The following RBM20 variants were observed in gnomAD, a reference collection of about 807,000 sequenced individuals.
RBM20 encodes RNA binding motif protein 20, also known as RNA-binding protein 20.
In RBM20, 51 loss-of-function variants were observed where a neutral mutation model predicts 110.1. The observed-to-expected ratio is 0.46, with a 90% CI of 0.37 to 0.59. RBM20 has a LOEUF of 0.59. Among genes scored for constraint, RBM20 ranks in the 20% least tolerant of loss-of-function variants. The probability of loss-of-function intolerance (pLI) is 0.00; values close to 1 mark genes in which losing one functional copy is unlikely to be tolerated. For synonymous variants in RBM20, 589 were observed against 618.2 expected (o/e 0.95, Z 0.70); for missense variants, 1,512 against 1,574.9 (o/e 0.96, Z 0.68).
intron 1 of RBM20, among the ~76,000 whole-genome samples, chr10:110,690,791 T>C (rs1306305575): frequency 6.6e-6 from 1 of 152,234 alleles, no homozygotes; most frequent in East Asian, 1.9e-4. Context: ...ATTTTAGTTA[T>C]CCATTCATCT....
rs541027608 is a variant in RBM20, at chr10:110,760,425, C to CTTTTTTTTTTTTTTTT, written c.192-20363_192-20348dup. The stretch of plus-strand genomic sequence containing the variant: ...TATTAGCCCAGCTGAATTCCATCAT[C>CTTTTTTTTTTTTTTTT]TTTTTTTTTTTTTTTTTTTTTTTTT... On this transcript the variant is annotated intron_variant, in intron 1 of 13. Coordinates refer to ENST00000369519, the MANE Select transcript of RBM20 (RefSeq NM_001134363.3). Among the ~76,000 whole-genome samples, 6 of 57,818 alleles carry CTTTTTTTTTTTTTTTT rather than the reference C, an allele frequency of 1.0e-4. 1 individual carries two copies. Among genetic ancestry groups the CTTTTTTTTTTTTTTTT allele is most frequent in the Non-Finnish European group, 1.5e-4 (5 of 32,544 alleles). 37.9% of individuals were successfully genotyped at this position (57,818 alleles called of 152,430 possible).
chr10:110,750,900 C>T (rs1470634095), intron 1 of RBM20, among the ~76,000 whole-genome samples: 1 of 152,128 alleles, frequency 6.6e-6, no homozygotes, highest in African/African-American at 2.4e-5. Context: ...GCAAGGTGGT[C>T]ATTTGTGGGC....
intron 1 of RBM20, among the ~76,000 whole-genome samples, chr10:110,683,065 C>G (rs1008721317): frequency 2.7e-5 from 4 of 148,936 alleles, no homozygotes; most frequent in Non-Finnish European, 5.9e-5. Context: ...TGTCATTGAT[C>G]ACAATTTTTG....
At chr10:110,682,772 G>A (rs1443924549) in intron 1 of RBM20, among the ~76,000 whole-genome samples, 1 of 152,120 alleles carries the variant, frequency 6.6e-6, no homozygotes, top group Admixed American at 6.5e-5. Flanking sequence ...ATATTTCAGG[G>A]GAGCTACTGT....
chr10:110,698,980 C>T (rs1174342578), intron 1 of RBM20, among the ~76,000 whole-genome samples: 2 of 152,148 alleles, frequency 1.3e-5, no homozygotes, highest in Non-Finnish European at 2.9e-5. Flanking sequence ...ACTTGGTGTG[C>T]AAGCTTCCAA....
intron 1 of RBM20, among the ~76,000 whole-genome samples, chr10:110,746,171 G>A (rs188752490): frequency 2.0e-5 from 3 of 152,222 alleles, no homozygotes; most frequent in East Asian, 1.9e-4. Context: ...AGGCTGGTGC[G>A]GGCTTGTTCA....
intron 1 of RBM20, among the ~76,000 whole-genome samples, chr10:110,765,766 GA>G (rs1844073393): frequency 6.6e-6 from 1 of 152,188 alleles, no homozygotes; most frequent in Non-Finnish European, 1.5e-5. Flanking sequence ...ATATCACGGA[GA>G]TTTTTTTTTT....
intron 1 of RBM20, among the ~76,000 whole-genome samples, chr10:110,738,459 C>T (rs1426292167): frequency 6.6e-6 from 1 of 152,124 alleles, no homozygotes; most frequent in Non-Finnish European, 1.5e-5. Flanking sequence ...ATGTTCCTTG[C>T]CCTTTCTCCC....
chr10:110,767,365 A>T (rs1844113823), intron 1 of RBM20, among the ~76,000 whole-genome samples: 1 of 133,036 alleles, frequency 7.5e-6, no homozygotes, highest in South Asian at 2.7e-4. Context: ...TCCCTCCCGG[A>T]CAGGGCGGCT....
intron 1 of RBM20, among the ~76,000 whole-genome samples, chr10:110,730,425 TCC>T (rs1271197032): frequency 6.6e-6 from 1 of 152,058 alleles, no homozygotes; most frequent in Non-Finnish European, 1.5e-5. Flanking sequence ...AGAATGCCCC[TCC>T]CCCTTTCACA....
intron 1 of RBM20, among the ~76,000 whole-genome samples, chr10:110,720,850 C>T (rs1229606619): frequency 1.3e-5 from 2 of 152,252 alleles, no homozygotes; most frequent in East Asian, 3.8e-4. Context: ...AGACCCTTCC[C>T]ACATTATCAG....
At position 110,698,690 on chromosome 10, in the gene RBM20, T is replaced by C. The variant is rs114581231; in HGVS notation, c.191+54045T>C. On this transcript the variant is annotated intron_variant, in intron 1 of 13. Coordinates refer to ENST00000369519, the MANE Select transcript of RBM20 (RefSeq NM_001134363.3). ...TCCTTCAGCTTTATGCCATGCTCCA[T>C]AGACAGCCTAGGGTACCCCTCTCTG... 3.4e-3 allele frequency among the ~76,000 whole-genome samples: 520 copies of C among 152,318 alleles called. 1 individual carries two copies. Among genetic ancestry groups the C allele is most frequent in the African/African-American group, 0.012 (499 of 41,566 alleles).
chr10:110,784,290 T>C, intron 3 of RBM20, 51 bp from the exon 4 acceptor site: 1 of 1,342,288 alleles, frequency 7.4e-7, no homozygotes, highest in Non-Finnish European at 1.0e-6. Flanking sequence ...CACATGCTAA[T>C]TCTTTGTTTA....
intron 7 of RBM20, 97 bp from the exon 8 acceptor site, chr10:110,810,285 TG>T (rs1008258893): frequency 1.2e-6 from 1 of 848,196 alleles, no homozygotes; most frequent in Non-Finnish European, 2.0e-6. Context: ...TTTTCCCTTT[TG>T]GTGGACCAGG....
chr10:110,737,899 C>T (rs1236159370), intron 1 of RBM20, among the ~76,000 whole-genome samples: 1 of 152,146 alleles, frequency 6.6e-6, no homozygotes, highest in Non-Finnish European at 1.5e-5. Context: ...CATATGTACA[C>T]ATTTCTGCCA....
intron 1 of RBM20, among the ~76,000 whole-genome samples, chr10:110,685,500 A>G: frequency 6.6e-6 from 1 of 152,170 alleles, no homozygotes; most frequent in East Asian, 1.9e-4. Context: ...CTAGATAGGA[A>G]GGAGACGATG....
chr10:110,777,105 G>A (rs1844275669), intron 1 of RBM20, among the ~76,000 whole-genome samples: 1 of 152,136 alleles, frequency 6.6e-6, no homozygotes. Context: ...CAATTACTTT[G>A]TGCCCATAAA....
At chr10:110,825,772 A>G (rs978605505) in intron 12 of RBM20, among the ~76,000 whole-genome samples, 1 of 152,188 alleles carries the variant, frequency 6.6e-6, no homozygotes, top group Non-Finnish European at 1.5e-5. Flanking sequence ...AACATTCCCC[A>G]TGCAGGCACC....
chr10:110,762,245 A>G (rs1333369083), intron 1 of RBM20, among the ~76,000 whole-genome samples: 1 of 152,212 alleles, frequency 6.6e-6, no homozygotes, highest in Non-Finnish European at 1.5e-5. Flanking sequence ...AATCAAGAGA[A>G]TGTGTGAAGC....
Sources: gnomAD v4.1 joint callset for allele counts (sites outside exome capture counted in the v4.1 genomes callset) on GRCh38, gnomAD v4.1.1 for gene constraint, MANE v1.5 for transcripts, NCBI Gene and HGNC (gene_info 2026-07-23, HGNC 2026-07-21) for gene names.